The following SLC22A4 variants were observed in gnomAD, a reference collection of about 807,000 sequenced individuals.
SLC22A4 encodes the protein solute carrier family 22 member 4.
A neutral mutation model predicts 56.6 loss-of-function variants in SLC22A4; 39 were observed. The ratio of observed to expected loss-of-function variants is 0.69; its 90% CI spans 0.53 to 0.90. SLC22A4 has a LOEUF of 0.90. Among genes scored for constraint, SLC22A4 ranks in the 40% least tolerant of loss-of-function variants. The pLI is 0.00. For synonymous variants in SLC22A4, 241 were observed against 281.4 expected (o/e 0.86, Z 1.44); for missense variants, 594 against 696.5 (o/e 0.85, Z 1.66).
intron 4 of SLC22A4, among the ~76,000 whole-genome samples, chr5:132,324,837 A>G (rs79235105): frequency 0.013 from 1,977 of 152,284 alleles, 39 homozygotes; most frequent in African/African-American, 0.046. Flanking sequence ...GACTTTTGAA[A>G]TGATCAGCTA....
intron 8 of SLC22A4, among the ~76,000 whole-genome samples, chr5:132,337,523 C>T (rs902542473): frequency 1.7e-4 from 26 of 151,748 alleles, no homozygotes; most frequent in Admixed American, 4.6e-4. Context: ...GTGATCCACC[C>T]GCCTCAACCT....
At chr5:132,318,793 G>A (rs1750438091) in intron 3 of SLC22A4, among the ~76,000 whole-genome samples, 1 of 152,124 alleles carries the variant, frequency 6.6e-6, no homozygotes, top group Non-Finnish European at 1.5e-5. Flanking sequence ...CAGAAGCCCA[G>A]CCAGACCAAG....
intron 8 of SLC22A4, among the ~76,000 whole-genome samples, chr5:132,337,974 ACCTCAGGTGATC>A (rs1751078560): frequency 6.9e-6 from 1 of 145,284 alleles, no homozygotes; most frequent in Non-Finnish European, 1.5e-5. Context: ...CAAACCCCTG[ACCTCAGGTGATC>A]CACCTGCCTT....
chr5:132,331,099 A>C (rs768747700), intron 5 of SLC22A4, among the ~76,000 whole-genome samples: 1 of 152,148 alleles, frequency 6.6e-6, no homozygotes, highest in African/African-American at 2.4e-5. Flanking sequence ...TTGGGAGGCC[A>C]AAGTGGGCAG....
At chr5:132,327,255 A>G (rs1405660716) in intron 4 of SLC22A4, 22 bp from the exon 5 acceptor site, 1 of 1,506,722 alleles carries the variant, frequency 6.6e-7, no homozygotes, top group Admixed American at 2.0e-5. Context: ...AAAAATTATT[A>G]AATATTAAAA....
At chr5:132,326,622 T>C (rs1339222979) in intron 4 of SLC22A4, among the ~76,000 whole-genome samples, 1 of 152,236 alleles carries the variant, frequency 6.6e-6, no homozygotes, top group South Asian at 2.1e-4. Flanking sequence ...GCATCAGCTA[T>C]AAATGGGAAT....
Position 132,340,587 on chromosome 5 carries a change from C to A in SLC22A4, c.1467C>A (p.Pro489=), listed in dbSNP as rs1429909250. 1.2e-6 allele frequency: 2 copies of A among 1,614,014 alleles called. No individual in the cohort carries two copies. Among genetic ancestry groups the A allele is most frequent in the Admixed American group, 3.3e-5 (2 of 60,004 alleles). Residue 489 remains proline (P), a synonymous_variant, in exon 9 of 10, where the codon CCC becomes CCA. Coordinates refer to ENST00000200652, the MANE Select transcript of SLC22A4 (RefSeq NM_003059.3). ...CAGGTGCTTACAACAGAATGCTGCC[C>A]TACATCGTCATGGGTAGTCTGACTG... ...VYLGAYNRML[P]YIVMGSLTVL...
intron 1 of SLC22A4, among the ~76,000 whole-genome samples, chr5:132,307,976 C>T: frequency 6.6e-6 from 1 of 152,328 alleles, no homozygotes; most frequent in East Asian, 1.9e-4. Flanking sequence ...CCACATTTTC[C>T]AGGCTGATTT....
chr5:132,294,596 T>C lies in SLC22A4; in HGVS notation c.-21T>C. 1 of 1,614,018 alleles carries C rather than the reference T, an allele frequency of 6.2e-7. No individual in the cohort carries two copies. The highest frequency in any genetic ancestry group is 8.5e-7 in the Non-Finnish European group (1 of 1,179,990). ...GCTGTCATCACCCGTAGTTGCAAGT[T>C]TCGGAGCGGCAGTGGGAAGCATGCG... On this transcript the variant is annotated 5_prime_UTR_variant, in exon 1 of 10. Coordinates refer to ENST00000200652, the MANE Select transcript of SLC22A4 (RefSeq NM_003059.3). This position sits in a 1 kb window ranked among gnomAD's most constrained non-coding sequence, Gnocchi z 5.6.
chr5:132,335,850 C>T lies in SLC22A4; in HGVS notation c.1294C>T (p.Leu432=), dbSNP rs1429550085. The change falls in exon 8 of 10, where the codon CTG becomes TTG. Residue 432 remains leucine, a synonymous_variant. Transcript: ENST00000200652. Reference sequence around the variant, plus strand: ...CTTCTTATCCATTGGTCTGGTCATGCTGGGAAAATTTGGGATCACCTCTGC... The same window carrying T: ...CTTCTTATCCATTGGTCTGGTCATGTTGGGAAAATTTGGGATCACCTCTGC... ...YYFLSIGLVM[L]GKFGITSAFS... is the part of the protein sequence containing the mutation. 6.2e-7 allele frequency: 1 copy of T among 1,614,058 alleles called. No homozygotes were observed. The highest frequency in any genetic ancestry group is 1.7e-5 in the Admixed American group (1 of 60,010).
At chr5:132,342,589 A>G (rs1204018321) in intron 9 of SLC22A4, among the ~76,000 whole-genome samples, 1 of 152,178 alleles carries the variant, frequency 6.6e-6, no homozygotes, top group Non-Finnish European at 1.5e-5. Context: ...CCACTCACAA[A>G]TGTCAGGTCC....
At position 132,297,087 on chromosome 5, in the gene SLC22A4, G is replaced by T. The variant is rs555199079; in HGVS notation, c.393+2078G>T. Among the ~76,000 whole-genome samples the T allele has an allele frequency of 7.9e-5, 12 of 152,306 alleles. 1 individual carries two copies. In the South Asian group the frequency reaches 2.5e-3, roughly 32 times the overall value. On this transcript the variant is annotated intron_variant, in intron 1 of 9. Transcript: ENST00000200652. Reference sequence around the variant, plus strand: ...AATCCCAGTACTTTGAGAGGCTGAGGCGGGCAGATTACTTGAGGTCAGGAG... The same window carrying T: ...AATCCCAGTACTTTGAGAGGCTGAGTCGGGCAGATTACTTGAGGTCAGGAG...
chr5:132,323,585 A>G (rs1580836584), intron 4 of SLC22A4, among the ~76,000 whole-genome samples: 1 of 152,196 alleles, frequency 6.6e-6, no homozygotes, highest in African/African-American at 2.4e-5. Flanking sequence ...GGACCGGGAA[A>G]CCCGGCCTGA....
At chr5:132,328,905 A>G (rs199779079) in intron 5 of SLC22A4, among the ~76,000 whole-genome samples, 4,164 of 56,978 alleles carry the variant, frequency 0.073, 170 homozygotes, top group African/African-American at 0.24. Context: ...GTGTATGTGT[A>G]TATATATATA....
At chr5:132,320,644 C>T (rs1750503466) in intron 3 of SLC22A4, among the ~76,000 whole-genome samples, 1 of 152,114 alleles carries the variant, frequency 6.6e-6, no homozygotes, top group Non-Finnish European at 1.5e-5. Context: ...CCCACTGAGG[C>T]AGATCTCTCA....
chr5:132,302,628 G>C (rs1749930423), intron 1 of SLC22A4, among the ~76,000 whole-genome samples: 1 of 152,218 alleles, frequency 6.6e-6, no homozygotes, highest in Admixed American at 6.5e-5. Context: ...CTGGAGGGCA[G>C]GTTCAGGCGG....
intron 9 of SLC22A4, among the ~76,000 whole-genome samples, chr5:132,341,472 A>G (rs1362027877): frequency 6.6e-6 from 1 of 152,222 alleles, no homozygotes; most frequent in African/African-American, 2.4e-5. Context: ...AATTAAAACA[A>G]TGTGATAATG....
intron 9 of SLC22A4, 38 bp from the exon 10 acceptor site, chr5:132,343,722 G>A (rs1751286576): frequency 7.7e-7 from 1 of 1,294,160 alleles, no homozygotes; most frequent in African/African-American, 1.5e-5. Flanking sequence ...GGAAAGTCTT[G>A]AATATTTAAT....
intron 1 of SLC22A4, among the ~76,000 whole-genome samples, chr5:132,307,247 G>T (rs768348136): frequency 2.6e-4 from 40 of 152,282 alleles, no homozygotes; most frequent in Non-Finnish European, 4.7e-4. Context: ...TAGAACTGGG[G>T]TGGATGTATA....
Sources: allele counts gnomAD v4.1 joint callset (sites outside exome capture counted in the v4.1 genomes callset), GRCh38; gene constraint gnomAD v4.1.1; non-coding constraint Gnocchi (gnomAD v3.1); transcripts MANE v1.5; gene names NCBI Gene and HGNC (gene_info 2026-07-23, HGNC 2026-07-21).